CSMD1: variants seen among roughly 807,000 people sequenced by gnomAD.
CSMD1 encodes CUB and Sushi multiple domains 1.
CSMD1 carries 213 observed loss-of-function variants against 417.5 expected under a neutral mutation model. That is an observed-to-expected ratio of 0.51 (90% CI 0.46 to 0.57). The LOEUF is 0.57. Ranked by LOEUF, CSMD1 falls within the 20% of genes least tolerant of loss-of-function variation. CSMD1 has a pLI of 0.00. For synonymous variants in CSMD1, 2,862 were observed against 1,736.8 expected, an observed-to-expected ratio of 1.65 and a Z score of -16.11; for missense variants, 6,923 against 4,529.7, an observed-to-expected ratio of 1.53 and a Z score of -15.17.
intron 42 of CSMD1, among the ~76,000 whole-genome samples, chr8:3,118,024 AC>A (rs1238517954): frequency 2.0e-5 from 3 of 152,194 alleles, no homozygotes; most frequent in Non-Finnish European, 4.4e-5. Context: ...ATTAATAAGT[AC>A]CCTTTTTCCC....
At chr8:3,666,070 A>G (rs920661244) in intron 7 of CSMD1, among the ~76,000 whole-genome samples, 2 of 152,054 alleles carry the variant, frequency 1.3e-5, no homozygotes, top group Non-Finnish European at 2.9e-5. Context: ...TAATTTTTGT[A>G]TCTGTAGTAG....
rs112310403 is a variant in CSMD1 at position 4,783,815 on chromosome 8, C to G, written c.86-146257G>C. 7.7e-4 allele frequency among the ~76,000 whole-genome samples: 118 copies of G among 152,294 alleles called. 3 individuals carry two copies. In the East Asian group the frequency reaches 0.021, roughly 28 times the overall value. ...GGAGGCTTTGACACAAGGCATCAAC[C>G]AGCCTAAGGAAAACATTCTTATATT... On this transcript the variant is annotated intron_variant, in intron 1 of 69. Transcript: ENST00000635120.
Position 4,587,061 on chromosome 8 carries a change from C to T in CSMD1, c.302+50281G>A, listed in dbSNP as rs1289259445. On this transcript the variant is annotated intron_variant, in intron 2 of 69. Transcript: ENST00000635120. ...ATGAATGCTTTCATCTCTTTTAATC[C>T]ATGAAACATTGCTTTTACTATTATA... Among the ~76,000 whole-genome samples, 6 of 152,080 alleles carry T rather than the reference C, an allele frequency of 3.9e-5. No individual in the cohort carries two copies. The South Asian group carries it at 6.2e-4, about 16-fold the overall frequency.
intron 2 of CSMD1, among the ~76,000 whole-genome samples, chr8:4,500,223 T>C (rs1157941703): frequency 6.6e-6 from 1 of 151,980 alleles, no homozygotes; most frequent in African/African-American, 2.4e-5. Context: ...GAGGTTGGCT[T>C]AGTGAATATA....
chr8:4,096,517 T>A (rs992391727), intron 3 of CSMD1, among the ~76,000 whole-genome samples: 15 of 152,146 alleles, frequency 9.9e-5, no homozygotes, highest in Non-Finnish European at 1.9e-4. Flanking sequence ...AATGACTACT[T>A]AGAAAAAACT....
chr8:4,221,502 C>A (rs1038526954), intron 3 of CSMD1, among the ~76,000 whole-genome samples: 2 of 152,020 alleles, frequency 1.3e-5, no homozygotes, highest in Non-Finnish European at 2.9e-5. Flanking sequence ...TTTGGGAATT[C>A]GTGAAACAAG....
chr8:4,586,252 C>G (rs1209295892), intron 2 of CSMD1, among the ~76,000 whole-genome samples: 1 of 152,168 alleles, frequency 6.6e-6, no homozygotes, highest in Non-Finnish European at 1.5e-5. Context: ...AGTACTAGTT[C>G]TTATTCATTC....
chr8:3,148,974 T>C (rs1328756905), intron 40 of CSMD1, among the ~76,000 whole-genome samples: 1 of 152,236 alleles, frequency 6.6e-6, no homozygotes, highest in Non-Finnish European at 1.5e-5. Flanking sequence ...TGATTTGAGA[T>C]AAAGTTTCTT....
rs181933970 is a variant in CSMD1 at position 4,406,004 on chromosome 8, G to A, written c.415+13949C>T. ...CAGACATGGCTGTGACGAGTGAGAGGGCAATTCATTCAGACTGGCTTGTGT... is the reference window on the plus strand; with the variant it reads ...CAGACATGGCTGTGACGAGTGAGAGAGCAATTCATTCAGACTGGCTTGTGT... On this transcript the variant is annotated intron_variant, in intron 3 of 69. Coordinates refer to ENST00000635120, the MANE Select transcript of CSMD1 (RefSeq NM_033225.6). 9.3e-4 allele frequency among the ~76,000 whole-genome samples: 142 copies of A among 152,264 alleles called. 2 individuals are homozygous for A. The highest frequency in any genetic ancestry group is 7.8e-4 in the Non-Finnish European group (53 of 68,034).
chr8:4,443,588 G>A (rs912361308), intron 2 of CSMD1, among the ~76,000 whole-genome samples: 2 of 151,160 alleles, frequency 1.3e-5, no homozygotes, highest in African/African-American at 4.8e-5. Context: ...ATATGCATTT[G>A]CTTAAAATAT....
chr8:4,277,830 G>C (rs1237571271), intron 3 of CSMD1, among the ~76,000 whole-genome samples: 2 of 151,976 alleles, frequency 1.3e-5, no homozygotes, highest in African/African-American at 2.4e-5. Context: ...TCACTGCAAG[G>C]TCTGCCTCCC....
chr8:4,608,623 G>C (rs1181418049), intron 2 of CSMD1, among the ~76,000 whole-genome samples: 2 of 152,186 alleles, frequency 1.3e-5, no homozygotes, highest in Non-Finnish European at 2.9e-5. Flanking sequence ...ATTTTCGCTA[G>C]CAATGCCCGC....
chr8:4,407,680 T>G (rs543181173), intron 3 of CSMD1, among the ~76,000 whole-genome samples: 1 of 152,294 alleles, frequency 6.6e-6, no homozygotes, highest in South Asian at 2.1e-4. Flanking sequence ...TTCATACAAA[T>G]TTAAATTTGT....
At chr8:4,374,536 G>C (rs933505167) in intron 3 of CSMD1, among the ~76,000 whole-genome samples, 2 of 152,096 alleles carry the variant, frequency 1.3e-5, no homozygotes, top group South Asian at 2.1e-4. Flanking sequence ...GAAGAGGCTG[G>C]TCAGTCCCAC....
chr8:3,860,623 G>C (rs556662785), intron 5 of CSMD1, among the ~76,000 whole-genome samples: 1 of 152,044 alleles, frequency 6.6e-6, no homozygotes, highest in Non-Finnish European at 1.5e-5. Flanking sequence ...GACACTATTA[G>C]TTACAGTCCA....
chr8:3,550,121 T>C lies in CSMD1; in HGVS notation c.1344+24824A>G, dbSNP rs552911850. Among the ~76,000 whole-genome samples the C allele has an allele frequency of 1.8e-3, 267 of 152,252 alleles. 1 individual carries two copies. The highest frequency in any genetic ancestry group is 6.1e-3 in the African/African-American group (252 of 41,548). ...ACAGAGCCGATAAAAAAGTGTCCCA[T>C]TGGGATCACCCATGCACGTGGCCTC... On this transcript the variant is annotated intron_variant, in intron 10 of 69. Coordinates refer to ENST00000635120, the MANE Select transcript of CSMD1 (RefSeq NM_033225.6).
At chr8:4,592,543 C>A (rs763479463) in intron 2 of CSMD1, among the ~76,000 whole-genome samples, 1 of 151,908 alleles carries the variant, frequency 6.6e-6, no homozygotes, top group Non-Finnish European at 1.5e-5. Context: ...CCGGCCACCA[C>A]GCCCAGCTAA....
intron 1 of CSMD1, among the ~76,000 whole-genome samples, chr8:4,832,883 C>T (rs1417422359): frequency 1.3e-5 from 2 of 152,102 alleles, no homozygotes; most frequent in Non-Finnish European, 2.9e-5. Flanking sequence ...TGCTAGATAA[C>T]AGAAAGCTCC....
At chr8:4,912,122 C>CAAAAA (rs36194482) in intron 1 of CSMD1, among the ~76,000 whole-genome samples, 43 of 84,518 alleles carry the variant, frequency 5.1e-4, no homozygotes, top group African/African-American at 1.6e-3. Flanking sequence ...AACATAGCTT[C>CAAAAA]AAAAAAAAAA....
Sources: gnomAD v4.1 joint callset for allele counts (sites outside exome capture counted in the v4.1 genomes callset) on GRCh38, gnomAD v4.1.1 for gene constraint, MANE v1.5 for transcripts, NCBI Gene and HGNC (gene_info 2026-07-23, HGNC 2026-07-21) for gene names.